The following DHDH variants were observed in gnomAD, a reference collection of about 807,000 sequenced individuals.
DHDH encodes dihydrodiol dehydrogenase, also known as trans-1,2-dihydrobenzene-1,2-diol dehydrogenase.
Under a neutral mutation model 33.2 loss-of-function variants are expected in DHDH, and 29 were observed. That is an observed-to-expected ratio of 0.87 (90% CI 0.65 to 1.19). The LOEUF is 1.19. Among genes scored for constraint, DHDH ranks in the 50% most tolerant of loss-of-function variants. The pLI is 0.00. For synonymous variants in DHDH, 201 were observed against 187.9 expected (o/e 1.07, Z -0.57); for missense variants, 431 against 455.0 (o/e 0.95, Z 0.48).
In DHDH at chr19:48,944,915, C is replaced by T. The variant is rs757166908; in HGVS notation, c.987C>T (p.Phe329=). Residue 329 remains phenylalanine, a synonymous_variant, in exon 7 of 7, where the codon TTC becomes TTT. Coordinates refer to ENST00000221403, the MANE Select transcript of DHDH (RefSeq NM_014475.4). The stretch of plus-strand genomic sequence containing the variant: ...TGAGGAAGGCCATTGGAGTCACCTT[C>T]CCCCAAGACAAACGCTGATGTATCC... ...EEVRKAIGVT[F]PQDKR is the part of the protein sequence containing the mutation. 5.6e-6 allele frequency: 9 copies of T among 1,614,006 alleles called. No homozygotes were observed. In the Admixed American group the frequency reaches 1.0e-4, roughly 18 times the overall value.
At chr19:48,935,489 C>T (rs904920672) in intron 2 of DHDH, among the ~76,000 whole-genome samples, 3 of 151,950 alleles carry the variant, frequency 2.0e-5, no homozygotes, top group Admixed American at 2.0e-4. Flanking sequence ...CCACTGCACT[C>T]CAGCCTGGGC....
chr19:48,933,914 C>T, intron 1 of DHDH, 103 bp downstream of exon 1: 1 of 1,026,232 alleles, frequency 9.7e-7, no homozygotes, highest in Non-Finnish European at 1.5e-6. Context: ...AGTGGGTCGT[C>T]ATTGCAGTGA....
At chr19:48,935,299 C>A (rs913865482) in intron 2 of DHDH, among the ~76,000 whole-genome samples, 188 bp downstream of exon 2, 1 of 152,184 alleles carries the variant, frequency 6.6e-6, no homozygotes, top group Non-Finnish European at 1.5e-5. Flanking sequence ...TGTTAAACTA[C>A]ACTTAGCGTT....
upstream of DHDH, among the ~76,000 whole-genome samples, chr19:48,933,030 C>A (rs1266703127): frequency 6.6e-6 from 1 of 152,138 alleles, no homozygotes; most frequent in Non-Finnish European, 1.5e-5. Flanking sequence ...TCCTAACAAG[C>A]AAAGCAGCCT....
chr19:48,939,483 C>A lies in DHDH; in HGVS notation c.401C>A (p.Ala134Asp). 1.2e-6 allele frequency: 2 copies of A among 1,613,772 alleles called. No individual in the cohort carries two copies. The highest frequency in any genetic ancestry group is 1.7e-6 in the Non-Finnish European group (2 of 1,179,764). The change falls in exon 4 of 7, where the codon GCT (alanine) becomes GAT (aspartate). Residue 134 changes from alanine (A) to aspartate (D), a missense_variant. Coordinates refer to ENST00000221403, the MANE Select transcript of DHDH (RefSeq NM_014475.4). ...ACCCGCTTCTTTCCTGCCTCCGAGGCTCTGAGGTCTGTTTTGGCCCAGGGA... is the reference window on the plus strand; with the variant it reads ...ACCCGCTTCTTTCCTGCCTCCGAGGATCTGAGGTCTGTTTTGGCCCAGGGA... ...IWTRFFPASE[A>D]LRSVLAQGTL...
Position 48,935,101 on chromosome 19 carries a change from C to G in DHDH, c.192C>G (p.Asp64Glu), listed in dbSNP as rs1370792278. 6.4e-7 allele frequency: 1 copy of G among 1,573,798 alleles called. No individual in the cohort carries two copies. The highest frequency in any genetic ancestry group is 8.6e-7 in the Non-Finnish European group (1 of 1,162,454). Reference sequence around the variant, plus strand: ...GCTCCTATGAGGAGCTGGCCAAGGACCCGAGCGTGGGTGAGTGGCGAGGGC... The same window carrying G: ...GCTCCTATGAGGAGCTGGCCAAGGAGCCGAGCGTGGGTGAGTGGCGAGGGC... ...AYGSYEELAK[D>E]PSVEVAYIGT... The change falls in exon 2 of 7, where the codon GAC becomes GAG. Residue 64 changes from aspartate to glutamate, a missense_variant. Physicochemically the swap from Asp to Glu is conservative, Grantham distance 45. Transcript: ENST00000221403.
chr19:48,944,611 G>A, intron 6 of DHDH, 104 bp downstream of exon 6: 1 of 1,496,546 alleles, frequency 6.7e-7, no homozygotes, highest in South Asian at 1.3e-5. Context: ...TCTCCCAGGA[G>A]GTTGCAGTGA....
chr19:48,941,669 C>G (rs2037862966), intron 4 of DHDH, among the ~76,000 whole-genome samples: 1 of 150,264 alleles, frequency 6.7e-6, no homozygotes, highest in South Asian at 2.1e-4. Context: ...AGGCATGAAC[C>G]ACCGGCTTTT....
Position 48,944,402 on chromosome 19 carries a change from G to T in DHDH, c.790G>T (p.Glu264Ter). ...WCPTELVVKG[E>*]HKEFPLPPVP... Reference sequence around the variant, plus strand: ...CCCGACCGAGCTGGTGGTGAAGGGGGAGCATAAGGAGTTCCCGCTGCCCCC... The same window carrying T: ...CCCGACCGAGCTGGTGGTGAAGGGGTAGCATAAGGAGTTCCCGCTGCCCCC... Residue 264 changes from glutamate (E) to a stop codon, truncating the protein, a stop_gained, in exon 6 of 7, where the codon GAG (glutamate) becomes TAG (stop). Transcript: ENST00000221403. LOFTEE classifies it high-confidence loss of function. The T allele has an allele frequency of 6.2e-7, 1 of 1,614,164 alleles. No homozygotes were observed. Among genetic ancestry groups the T allele is most frequent in the Non-Finnish European group, 8.5e-7 (1 of 1,180,016 alleles).
At chr19:48,933,988 G>C (rs1338579338) in intron 1 of DHDH, among the ~76,000 whole-genome samples, 177 bp downstream of exon 1, 1 of 152,198 alleles carries the variant, frequency 6.6e-6, no homozygotes, top group Admixed American at 6.5e-5. Flanking sequence ...GGAAAAGAAA[G>C]ATCAGATTGT....
intron 4 of DHDH, among the ~76,000 whole-genome samples, chr19:48,940,875 T>C (rs2037849280): frequency 6.6e-6 from 1 of 151,602 alleles, no homozygotes; most frequent in Non-Finnish European, 1.5e-5. Flanking sequence ...GAGAACAGAG[T>C]CTCGCTATAT....
At chr19:48,937,315 G>C (rs1028927716) in intron 3 of DHDH, among the ~76,000 whole-genome samples, 1 of 152,102 alleles carries the variant, frequency 6.6e-6, no homozygotes. Context: ...GGCGGACCTC[G>C]GCCACATCCG....
At chr19:48,944,019 GA>G (rs2037904904) in intron 5 of DHDH, among the ~76,000 whole-genome samples, 1 of 151,812 alleles carries the variant, frequency 6.6e-6, no homozygotes, top group African/African-American at 2.4e-5. Context: ...AAGAAAGAAA[GA>G]AAATAAATAA....
intron 3 of DHDH, among the ~76,000 whole-genome samples, chr19:48,937,191 G>A (rs1159963929): frequency 6.6e-6 from 1 of 152,098 alleles, no homozygotes; most frequent in African/African-American, 2.4e-5. Flanking sequence ...ATCTTTGGGG[G>A]CACCAGTAGC....
chr19:48,934,863 A>G, intron 1 of DHDH, 137 bp from the exon 2 acceptor site: 2 of 571,720 alleles, frequency 3.5e-6, no homozygotes, highest in East Asian at 6.7e-5. Context: ...CCAGGGCCCA[A>G]ATGTCCAGCC....
chr19:48,934,255 T>C (rs1021302061), intron 1 of DHDH, among the ~76,000 whole-genome samples: 33 of 152,320 alleles, frequency 2.2e-4, no homozygotes, highest in African/African-American at 7.5e-4. Flanking sequence ...CAGGGGCACA[T>C]TGCACTGCGG....
Position 48,939,706 on chromosome 19 carries a change from C to A in DHDH, c.619+5C>A. ...TGGGAAGGCGTCATGAAACAGGTAC[C>A]ATCTATCCTGGAATATTTCATGGTG... On this transcript the variant is annotated splice_donor_5th_base_variant and intron_variant, in intron 4 of 6. Coordinates refer to ENST00000221403, the MANE Select transcript of DHDH (RefSeq NM_014475.4). The A allele has an allele frequency of 6.3e-7, 1 of 1,591,326 alleles. No individual in the cohort carries two copies. Among genetic ancestry groups the A allele is most frequent in the Non-Finnish European group, 8.6e-7 (1 of 1,165,246 alleles).
At chr19:48,933,917 T>C in intron 1 of DHDH, 106 bp downstream of exon 1, 9 of 1,002,756 alleles carry the variant, frequency 9.0e-6, no homozygotes, top group East Asian at 5.3e-5. Flanking sequence ...GGGTCGTCAT[T>C]GCAGTGAAAC....
chr19:48,941,048 T>C (rs2037852022), intron 4 of DHDH, among the ~76,000 whole-genome samples: 1 of 151,908 alleles, frequency 6.6e-6, no homozygotes, highest in South Asian at 2.1e-4. Flanking sequence ...TATTAGCTTG[T>C]GATTCTGTGC....
Sources: allele counts gnomAD v4.1 joint callset (sites outside exome capture counted in the v4.1 genomes callset), GRCh38; gene constraint gnomAD v4.1.1; transcripts MANE v1.5; gene names NCBI Gene and HGNC (gene_info 2026-07-23, HGNC 2026-07-21).